CIB2: variants seen among roughly 807,000 people sequenced by gnomAD.
CIB2 encodes calcium and integrin-binding family member 2.
In CIB2, 19 loss-of-function variants were observed where a neutral mutation model predicts 23.1. That is an observed-to-expected ratio of 0.82 (90% CI 0.57 to 1.21). The LOEUF is 1.21. Among genes scored for constraint, CIB2 ranks in the 50% most tolerant of loss-of-function variants. CIB2 has a pLI of 0.00. For synonymous variants in CIB2, 94 were observed against 91.7 expected (o/e 1.03, Z -0.14); for missense variants, 220 against 241.5 (o/e 0.91, Z 0.59).
chr15:78,123,162 T>C (rs2074341205), intron 2 of CIB2, among the ~76,000 whole-genome samples: 1 of 152,132 alleles, frequency 6.6e-6, no homozygotes, highest in South Asian at 2.1e-4. Flanking sequence ...AGAGCCCTGA[T>C]GAATAGCTCA....
At chr15:78,124,932 G>A (rs939082702) in intron 1 of CIB2, among the ~76,000 whole-genome samples, 24 of 152,210 alleles carry the variant, frequency 1.6e-4, no homozygotes, top group Admixed American at 1.6e-3. Context: ...TTTCCACTGG[G>A]TGCCTTCGGG....
At chr15:78,129,387 T>C (rs2074424227) in intron 1 of CIB2, among the ~76,000 whole-genome samples, 1 of 151,902 alleles carries the variant, frequency 6.6e-6, no homozygotes, top group Non-Finnish European at 1.5e-5. Flanking sequence ...CTGGTTGGAG[T>C]GGGAACCTGG....
chr15:78,130,191 G>A (rs1190926486), intron 1 of CIB2, among the ~76,000 whole-genome samples: 2 of 152,168 alleles, frequency 1.3e-5, no homozygotes, highest in Non-Finnish European at 2.9e-5. Context: ...TCCGCCTGGG[G>A]AGTCAGGGGA....
chr15:78,122,540 C>T (rs1184869000), intron 2 of CIB2, among the ~76,000 whole-genome samples: 1 of 152,182 alleles, frequency 6.6e-6, no homozygotes, highest in Non-Finnish European at 1.5e-5. Flanking sequence ...GGGGACCTCA[C>T]CCCTGACATC....
At chr15:78,129,355 C>T (rs574104835) in intron 1 of CIB2, among the ~76,000 whole-genome samples, 5 of 152,258 alleles carry the variant, frequency 3.3e-5, no homozygotes, top group South Asian at 4.1e-4. Flanking sequence ...GGACTGGCTC[C>T]GATGAGTAAC....
intron 3 of CIB2, chr15:78,110,675 G>T: frequency 2.2e-6 from 1 of 456,174 alleles, no homozygotes; most frequent in Non-Finnish European, 4.4e-6. Flanking sequence ...TGCTCGAAAA[G>T]CAGAATCCTG....
intron 1 of CIB2, among the ~76,000 whole-genome samples, chr15:78,130,936 C>A (rs548167306): frequency 9.9e-5 from 15 of 152,244 alleles, no homozygotes; most frequent in Non-Finnish European, 4.4e-5. Flanking sequence ...TGGAGAGAGG[C>A]GCGCCTGAGA....
intron 1 of CIB2, among the ~76,000 whole-genome samples, chr15:78,125,502 C>G (rs1345099086): frequency 6.6e-6 from 1 of 152,192 alleles, no homozygotes; most frequent in Non-Finnish European, 1.5e-5. Flanking sequence ...GTTCTCCTGA[C>G]AAAAGATGCA....
intron 2 of CIB2, among the ~76,000 whole-genome samples, chr15:78,119,331 T>A (rs76122766): frequency 0.051 from 7,694 of 152,266 alleles, 294 homozygotes; most frequent in South Asian, 0.16. Flanking sequence ...GTTTGGTTCA[T>A]CTATTCATTT....
At chr15:78,112,448 C>A (rs903341416) in intron 2 of CIB2, among the ~76,000 whole-genome samples, 7 of 152,126 alleles carry the variant, frequency 4.6e-5, no homozygotes, top group Admixed American at 3.9e-4. Flanking sequence ...TCAGTCATAG[C>A]TACTTGGGAG....
intron 1 of CIB2, among the ~76,000 whole-genome samples, chr15:78,125,366 C>T (rs1322705719): frequency 6.6e-6 from 1 of 152,168 alleles, no homozygotes; most frequent in African/African-American, 2.4e-5. Context: ...AGGCAGTCAG[C>T]AGAACTGGAA....
chr15:78,129,169 T>C (rs1049099519), intron 1 of CIB2, among the ~76,000 whole-genome samples: 1 of 151,946 alleles, frequency 6.6e-6, no homozygotes, highest in African/African-American at 2.4e-5. Context: ...AGGTGTCACT[T>C]AGGGGAGAGG....
chr15:78,105,197 G>C lies in CIB2; in HGVS notation c.*114C>G. The C allele has an allele frequency of 7.3e-7, 1 of 1,370,728 alleles. No homozygotes were observed. Among genetic ancestry groups the C allele is most frequent in the Non-Finnish European group, 1.0e-6 (1 of 979,150 alleles). 84.9% of individuals were successfully genotyped at this position (1,370,728 alleles called of 1,614,324 possible). A position where few individuals can be genotyped will look rare whatever the true frequency, so the allele number is the denominator to read the frequency against. ...GCTGAAAGGGCCACAGGATATATTTGTGGTGTAAACCCCAGAGGCTGCCAC... is the reference window on the plus strand; with the variant it reads ...GCTGAAAGGGCCACAGGATATATTTCTGGTGTAAACCCCAGAGGCTGCCAC... On this transcript the variant is annotated 3_prime_UTR_variant, in exon 6 of 6. Transcript: ENST00000258930.
At chr15:78,117,128 C>T (rs750931500) in intron 2 of CIB2, among the ~76,000 whole-genome samples, 19 of 150,730 alleles carry the variant, frequency 1.3e-4, no homozygotes, top group Non-Finnish European at 2.9e-5. Flanking sequence ...TGACGATGAT[C>T]TGTTCATTTT....
intron 4 of CIB2, among the ~76,000 whole-genome samples, chr15:78,107,551 C>T (rs533208721): frequency 2.0e-5 from 3 of 152,300 alleles, no homozygotes; most frequent in Non-Finnish European, 4.4e-5. Flanking sequence ...CAGCGCCAGA[C>T]TAGGAGGGCC....
intron 2 of CIB2, among the ~76,000 whole-genome samples, chr15:78,115,787 C>T (rs2074231725): frequency 6.9e-6 from 1 of 145,396 alleles, no homozygotes; most frequent in African/African-American, 2.6e-5. Flanking sequence ...AAGCAATTTT[C>T]CTGCCTCAAC....
At chr15:78,110,626 T>C (rs2074143319) in intron 3 of CIB2, 1 of 455,840 alleles carries the variant, frequency 2.2e-6, no homozygotes, top group Non-Finnish European at 4.4e-6. Context: ...CAGATATATA[T>C]GGTCTGAGGA....
chr15:78,124,803 C>T (rs542019258), intron 1 of CIB2, among the ~76,000 whole-genome samples: 1 of 152,330 alleles, frequency 6.6e-6, no homozygotes, highest in South Asian at 2.1e-4. Context: ...AAACTCAGGC[C>T]TGCAAACAGC....
At chr15:78,106,704 A>T (rs916664699) in intron 4 of CIB2, among the ~76,000 whole-genome samples, 2 of 151,740 alleles carry the variant, frequency 1.3e-5, no homozygotes, top group Non-Finnish European at 2.9e-5. Flanking sequence ...TTCCCAGCAA[A>T]CTCCTGGTCA....
Sources: gnomAD v4.1 joint callset for allele counts (sites outside exome capture counted in the v4.1 genomes callset) on GRCh38, gnomAD v4.1.1 for gene constraint, MANE v1.5 for transcripts, NCBI Gene and HGNC (gene_info 2026-07-23, HGNC 2026-07-21) for gene names.